ADGRE3: variants seen among roughly 807,000 people sequenced by gnomAD.
The protein encoded by ADGRE3 is adhesion G protein-coupled receptor E3, also known as EGF-like module receptor 3.
Under a neutral mutation model 80.1 loss-of-function variants are expected in ADGRE3, and 88 were observed. The ratio of observed to expected loss-of-function variants is 1.10; its 90% CI spans 0.93 to 1.31. The LOEUF (loss-of-function observed/expected upper bound fraction) is 1.31, where lower values mean the gene tolerates loss of function less well. ADGRE3 is among the 40% of genes most tolerant of loss of function. The pLI, the probability that ADGRE3 is intolerant of heterozygous loss-of-function variation, is 0.00. For synonymous variants in ADGRE3, 281 were observed against 294.8 expected, an observed-to-expected ratio of 0.95 and a Z score of 0.48; for missense variants, 715 against 776.5, an observed-to-expected ratio of 0.92 and a Z score of 0.94.
At chr19:14,670,087 G>T (rs914884398) in intron 1 of ADGRE3, among the ~76,000 whole-genome samples, 1 of 152,092 alleles carries the variant, frequency 6.6e-6, no homozygotes, top group African/African-American at 2.4e-5. Context: ...TGTTTGTTTT[G>T]TTATCACTCT....
intron 7 of ADGRE3, 147 bp from the exon 8 acceptor site, chr19:14,647,512 G>A: frequency 1.7e-6 from 1 of 597,658 alleles, no homozygotes; most frequent in South Asian, 2.2e-5. Context: ...CGCCTCCCGG[G>A]TTCAAGTGAT....
intron 2 of ADGRE3, among the ~76,000 whole-genome samples, chr19:14,664,157 G>T (rs1196551033): frequency 3.3e-5 from 5 of 152,236 alleles, no homozygotes; most frequent in South Asian, 2.1e-4. Flanking sequence ...ACAAAAATTA[G>T]CCGGGTGTGG....
intron 11 of ADGRE3, among the ~76,000 whole-genome samples, chr19:14,636,134 CTTTCTTTCTTT>C (rs1568481387): frequency 3.7e-5 from 3 of 81,282 alleles, no homozygotes; most frequent in Non-Finnish European, 7.5e-5. Context: ...TTCTTTCTTT[CTTTCTTTCTTT>C]CTTTCTTCCT....
chr19:14,638,317 A>G lies in ADGRE3; in HGVS notation c.1272T>C (p.Gly424=), dbSNP rs1379602729. Residue 424 remains glycine (G), a synonymous_variant, in exon 11 of 16, where the codon GGT becomes GGC. Transcript: ENST00000253673. ...CGGCCAGGTAGAGATAGTGCAAAGC[A>G]CCGGCGATGATGGAGCACAGCACCT... The part of the protein sequence containing the change: ...EPKVLCSIIA[G]ALHYLYLAAF... 7 of 1,614,112 alleles carry G rather than the reference A, an allele frequency of 4.3e-6. No individual in the cohort carries two copies. Among genetic ancestry groups the G allele is most frequent in the Middle Eastern group, 1.6e-4 (1 of 6,062 alleles).
At chr19:14,653,197 C>T (rs1290010018) in intron 6 of ADGRE3, among the ~76,000 whole-genome samples, 3 of 151,842 alleles carry the variant, frequency 2.0e-5, no homozygotes, top group Non-Finnish European at 2.9e-5. Context: ...AGGCTGATCT[C>T]GAACTCCTGA....
intron 9 of ADGRE3, 114 bp from the exon 10 acceptor site, chr19:14,641,730 C>G (rs117772410): frequency 1.6e-6 from 2 of 1,245,706 alleles, no homozygotes; most frequent in African/African-American, 1.5e-5. Context: ...AGTGTGGGAC[C>G]GTTAGACTGC....
In ADGRE3 at chr19:14,665,824, T is replaced by G. The variant is rs921053252; in HGVS notation, c.77-2284A>C. Among the ~76,000 whole-genome samples the G allele has an allele frequency of 3.4e-5, 5 of 148,338 alleles. No homozygotes were observed. In the South Asian group the frequency reaches 1.0e-3, roughly 31 times the overall value. ...ATTTTATTTTTGGATAAAAATAAAA[T>G]AATATGTTACATAATTTGTATATTA... On this transcript the variant is annotated intron_variant, in intron 2 of 15. Coordinates refer to ENST00000253673, the MANE Select transcript of ADGRE3 (RefSeq NM_032571.5).
intron 10 of ADGRE3, among the ~76,000 whole-genome samples, chr19:14,639,080 C>T (rs531690969): frequency 1.3e-5 from 2 of 151,874 alleles, no homozygotes; most frequent in African/African-American, 2.4e-5. Context: ...TTTGCAGAGA[C>T]GGGGTCTCAC....
intron 15 of ADGRE3, among the ~76,000 whole-genome samples, chr19:14,620,801 A>G (rs1377380977): frequency 1.3e-5 from 2 of 150,230 alleles, no homozygotes. Context: ...GTCTCACTAT[A>G]CTGCCCAGGT....
Position 14,656,497 on chromosome 19 carries a change from TGA to T in ADGRE3, c.394-1334_394-1333del, listed in dbSNP as rs147041983. Among the ~76,000 whole-genome samples the T allele has an allele frequency of 7.3e-3, 1,117 of 152,158 alleles. 8 individuals are homozygous for T. Among genetic ancestry groups the T allele is most frequent in the Non-Finnish European group, 0.01 (692 of 67,998 alleles). ...CAGGCACTAGATTTTATAGTCAGGC[TGA>T]GGAGGCGGTGTCTGAATTATGTAGG... On this transcript the variant is annotated intron_variant, in intron 5 of 15. Coordinates refer to ENST00000253673, the MANE Select transcript of ADGRE3 (RefSeq NM_032571.5).
downstream of ADGRE3, among the ~76,000 whole-genome samples, chr19:14,617,341 C>CCTTTCTCTCTTTCTTTCTTT (rs2075083309): frequency 1.7e-5 from 1 of 57,170 alleles, no homozygotes; most frequent in East Asian, 7.1e-4. Flanking sequence ...TCCCTCCCTC[C>CCTTTCTCTCTTTCTTTCTTT]CTTTCTTTCT....
rs1568471635 is a variant in ADGRE3, at chr19:14,620,562, ATATATATTTTTTTTTTTTT to A, written c.1921-1110_1921-1092del. Among the ~76,000 whole-genome samples the A allele has an allele frequency of 3.7e-3, 81 of 22,050 alleles. 11 individuals are homozygous for A. The highest frequency in any genetic ancestry group is 5.0e-3 in the East Asian group (4 of 794). The allele number at this position is 22,050 out of a possible 152,430, so 14.5% of individuals were successfully genotyped here. ...TTATATATATATTATATATATATAT[ATATATATTTTTTTTTTTTT>A]TTTTTTTTTTTTTTTTGAGACAGGG... On this transcript the variant is annotated intron_variant, in intron 15 of 15. Transcript: ENST00000253673.
chr19:14,663,369 A>C (rs1599650078), intron 3 of ADGRE3, 49 bp downstream of exon 3: 1 of 1,184,306 alleles, frequency 8.4e-7, no homozygotes, highest in East Asian at 3.7e-5. Context: ...TGTCTCTAAT[A>C]ATAATGATAA....
intron 15 of ADGRE3, among the ~76,000 whole-genome samples, chr19:14,623,417 G>A (rs945698636): frequency 6.6e-6 from 1 of 152,036 alleles, no homozygotes; most frequent in Non-Finnish European, 1.5e-5. Context: ...TGTCTATTCT[G>A]TCATTTATTC....
Position 14,620,562 on chromosome 19 carries a change from A to AT in ADGRE3, c.1921-1092dup, listed in dbSNP as rs1970566190. ...TTATATATATATTATATATATATAT[A>AT]TATATATTTTTTTTTTTTTTTTTTT... On this transcript the variant is annotated intron_variant, in intron 15 of 15. Coordinates refer to ENST00000253673, the MANE Select transcript of ADGRE3 (RefSeq NM_032571.5). Among the ~76,000 whole-genome samples, 12 of 22,072 alleles carry AT rather than the reference A, an allele frequency of 5.4e-4. 1 individual carries two copies. The highest frequency in any genetic ancestry group is 2.2e-3 in the African/African-American group (12 of 5,442). 14.5% of individuals were successfully genotyped at this position (22,072 alleles called of 152,430 possible).
chr19:14,656,332 T>G (rs376098824), intron 5 of ADGRE3, among the ~76,000 whole-genome samples: 1 of 125,520 alleles, frequency 8.0e-6, no homozygotes, highest in Admixed American at 1.0e-4. Context: ...CCAGCCTGGG[T>G]GACAGAGTGA....
At chr19:14,604,430 C>G in the ADGRE3 span, among the ~76,000 whole-genome samples, 1 of 152,056 alleles carries the variant, frequency 6.6e-6, no homozygotes. Context: ...GCTATAACGA[C>G]AGAAATATTT....
intron 1 of ADGRE3, among the ~76,000 whole-genome samples, chr19:14,669,848 A>G (rs1322640365): frequency 6.6e-6 from 1 of 152,088 alleles, no homozygotes; most frequent in Non-Finnish European, 1.5e-5. Context: ...TGGGTCCAAC[A>G]GTAGTTCTAT....
At chr19:14,656,115 G>A (rs988577081) in intron 5 of ADGRE3, among the ~76,000 whole-genome samples, 23 of 152,124 alleles carry the variant, frequency 1.5e-4, no homozygotes, top group Middle Eastern at 3.4e-3. Flanking sequence ...GAAGGCCGAG[G>A]GGGGTGGATC....
Sources: gnomAD v4.1 joint callset for allele counts (sites outside exome capture counted in the v4.1 genomes callset) on GRCh38, gnomAD v4.1.1 for gene constraint, MANE v1.5 for transcripts, NCBI Gene and HGNC (gene_info 2026-07-23, HGNC 2026-07-21) for gene names.